The following MYO1A variants were observed in gnomAD, a reference collection of about 807,000 sequenced individuals.
The protein encoded by MYO1A is unconventional myosin-Ia.
Under a neutral mutation model 138.5 loss-of-function variants are expected in MYO1A, and 127 were observed. The observed-to-expected ratio is 0.92, with a 90% CI of 0.79 to 1.06. MYO1A has a LOEUF of 1.06. MYO1A is among the 50% of genes least tolerant of loss of function. The probability of loss-of-function intolerance (pLI) is 0.00; values close to 1 mark genes in which losing one functional copy is unlikely to be tolerated. For synonymous variants in MYO1A, 477 were observed against 497.5 expected (o/e 0.96, Z 0.55); for missense variants, 1,211 against 1,288.8 (o/e 0.94, Z 0.92).
rs761354367 is a variant in MYO1A at position 57,029,812 on chromosome 12, C to T, written c.2652G>A (p.Lys884=). The change falls in exon 25 of 28, where the codon AAG becomes AAA. Residue 884 remains lysine, a synonymous_variant. Transcript: ENST00000300119. ...IGLQGNPKLQ[K]LKGGEEGPVL... is the part of the protein sequence containing the mutation. ...CAGGCCCCTCCTCCCCGCCTTTCAG[C>T]TTCTGCAGCTTGGGGTTCCCTTGCA... The T allele has an allele frequency of 1.9e-6, 3 of 1,614,126 alleles. No individual in the cohort carries two copies. The highest frequency in any genetic ancestry group is 2.5e-6 in the Non-Finnish European group (3 of 1,180,056).
Position 57,030,174 on chromosome 12 carries a change from A to G in MYO1A, c.2591+36T>C, listed in dbSNP as rs560172866. On this transcript the variant is annotated intron_variant, in intron 24 of 27. Transcript: ENST00000300119. The stretch of plus-strand genomic sequence containing the variant: ...GCTCAAGTTTGAGAACTGCTGCGTG[A>G]TGGAACTGGCTGTGCAGGGTCTGGG... The G allele has an allele frequency of 1.2e-5, 18 of 1,557,648 alleles. No individual in the cohort carries two copies. The African/African-American group carries it at 2.3e-4, about 20-fold the overall frequency.
At position 57,031,120 on chromosome 12, in the gene MYO1A, C is replaced by CT; in HGVS notation, c.2403dup (p.Asp802ArgfsTer51). On this transcript the variant is annotated frameshift_variant, in exon 23 of 28. Coordinates refer to ENST00000300119, the MANE Select transcript of MYO1A (RefSeq NM_005379.4). LOFTEE classifies it high-confidence loss of function. ...TAGGGGGCGGCTGGCCATGTCTTGT[C>CT]TAAGACGTTTGTGGATGGCAAATTG... 1 of 1,614,130 alleles carries CT rather than the reference C, an allele frequency of 6.2e-7. No individual in the cohort carries two copies. Among genetic ancestry groups the CT allele is most frequent in the Non-Finnish European group, 8.5e-7 (1 of 1,180,022 alleles).
Position 57,048,266 on chromosome 12 carries a change from C to A in MYO1A, c.58G>T (p.Val20Leu). The stretch of plus-strand genomic sequence containing the variant: ...AGATTCTTGAGCAGTGACTCCTCCA[C>A]CAAGGGTTCCAGGAGGACAAGATCC... ...VEDLVLLEPLVEESLLKNLQL... is the reference protein window; with the variant it reads ...VEDLVLLEPLLEESLLKNLQL... The change falls in exon 2 of 28, where the codon GTG becomes TTG. Residue 20 changes from valine to leucine, a missense_variant. By Grantham distance (32) the Val-to-Leu change is conservative. Coordinates refer to ENST00000300119, the MANE Select transcript of MYO1A (RefSeq NM_005379.4). The A allele has an allele frequency of 6.2e-7, 1 of 1,614,220 alleles. No homozygotes were observed. The highest frequency in any genetic ancestry group is 8.5e-7 in the Non-Finnish European group (1 of 1,180,042).
intron 14 of MYO1A, among the ~76,000 whole-genome samples, chr12:57,040,035 T>C (rs1315184411): frequency 6.6e-6 from 1 of 152,246 alleles, no homozygotes; most frequent in Non-Finnish European, 1.5e-5. Context: ...ACAGACAGGA[T>C]AGCTCCTGAT....
At position 57,047,338 on chromosome 12, in the gene MYO1A, T is replaced by G. The variant is rs1160478728; in HGVS notation, c.395A>C (p.Lys132Thr). ...CGKGEQVNSVKEQLLQSNPVL... is the reference protein window; with the variant it reads ...CGKGEQVNSVTEQLLQSNPVL... ...TGGGTTAGACTGTAGCAGCTGCTCC[T>G]TCACAGAGTTCACCTGCTCTCCTTT... Residue 132 changes from lysine to threonine, a missense_variant, in exon 5 of 28, where the codon AAG becomes ACG. Lys to Thr is a moderately conservative substitution (Grantham distance 78). Coordinates refer to ENST00000300119, the MANE Select transcript of MYO1A (RefSeq NM_005379.4). The G allele has an allele frequency of 2.3e-5, 37 of 1,614,050 alleles. No homozygotes were observed. The highest frequency in any genetic ancestry group is 2.9e-5 in the Non-Finnish European group (34 of 1,180,018).
chr12:57,050,772 C>T (rs182948545), upstream of MYO1A: 1 of 152,244 alleles, frequency 6.6e-6, no homozygotes, highest in East Asian at 1.9e-4. Context: ...CATTGCCTCA[C>T]TGAATAGCAC....
At chr12:57,033,078 T>C (rs1179015694) in intron 22 of MYO1A, among the ~76,000 whole-genome samples, 1 of 152,160 alleles carries the variant, frequency 6.6e-6, no homozygotes, top group Non-Finnish European at 1.5e-5. Flanking sequence ...AAGTAGGTTA[T>C]AGATATCATG....
At chr12:57,043,793 G>A (rs1449640888) in intron 10 of MYO1A, 63 bp downstream of exon 10, 1 of 1,608,104 alleles carries the variant, frequency 6.2e-7, no homozygotes, top group Non-Finnish European at 8.5e-7. Flanking sequence ...ATGGTAGAAG[G>A]ACACGACTTG....
In MYO1A at chr12:57,030,319, G is replaced by A. The variant is rs2030216224; in HGVS notation, c.2485-3C>T. The stretch of plus-strand genomic sequence containing the variant: ...AGCTGATCCCGGAACCTCTTGCACT[G>A]TGAGGAAGGAGGGACAGGAGCTAAA... On this transcript the variant is annotated splice_region_variant and splice_polypyrimidine_tract_variant and intron_variant, in intron 23 of 27. Transcript: ENST00000300119. The A allele has an allele frequency of 6.2e-7, 1 of 1,611,508 alleles. No individual in the cohort carries two copies. The highest frequency in any genetic ancestry group is 1.7e-5 in the Admixed American group (1 of 59,948).
intron 8 of MYO1A, among the ~76,000 whole-genome samples, chr12:57,045,299 A>G (rs2031047009): frequency 6.6e-6 from 1 of 152,066 alleles, no homozygotes; most frequent in African/African-American, 2.4e-5. Flanking sequence ...AGGGATGTCA[A>G]TTATCTGGTA....
At chr12:57,034,540 G>A (rs1487775388) in intron 22 of MYO1A, among the ~76,000 whole-genome samples, 9 of 152,106 alleles carry the variant, frequency 5.9e-5, no homozygotes, top group African/African-American at 1.9e-4. Context: ...CAGGCGTGGT[G>A]GCATGTGCCT....
intron 14 of MYO1A, among the ~76,000 whole-genome samples, chr12:57,040,296 G>A (rs1019520208): frequency 3.3e-5 from 5 of 152,150 alleles, no homozygotes; most frequent in African/African-American, 1.2e-4. Flanking sequence ...ATGACAATAA[G>A]GTACAGAACA....
chr12:57,041,178 G>A lies in MYO1A; in HGVS notation c.1269+6C>T. On this transcript the variant is annotated splice_donor_region_variant and intron_variant, in intron 14 of 27. Coordinates refer to ENST00000300119, the MANE Select transcript of MYO1A (RefSeq NM_005379.4). ...AAGAGGGGGAAGTAGAAAAGACTTG[G>A]TTTACTTCTCTCTTATATTCCTCTT... The A allele has an allele frequency of 6.2e-7, 1 of 1,606,112 alleles. No homozygotes were observed. Among genetic ancestry groups the A allele is most frequent in the South Asian group, 1.1e-5 (1 of 90,896 alleles).
At chr12:57,029,044 C>A in intron 27 of MYO1A, 88 bp downstream of exon 27, 1 of 1,612,162 alleles carries the variant, frequency 6.2e-7, no homozygotes, top group Middle Eastern at 1.7e-4. Flanking sequence ...CACTGCCCTA[C>A]ATGCTTCGCT....
chr12:57,043,200 A>C (rs376647318), intron 11 of MYO1A, 40 bp downstream of exon 11: 3 of 1,613,996 alleles, frequency 1.9e-6, no homozygotes, highest in Non-Finnish European at 2.5e-6. Flanking sequence ...ATCACAGAAC[A>C]GGGTCGAAAC....
At position 57,038,081 on chromosome 12, in the gene MYO1A, T is replaced by G. The variant is rs1565643738; in HGVS notation, c.1761-12A>C. ...TGGGCTTTATGCACCTGGTGGGAGGTGGGGTAAGGCACAGCCTTCAGGAGC... is the reference window on the plus strand; with the variant it reads ...TGGGCTTTATGCACCTGGTGGGAGGGGGGGTAAGGCACAGCCTTCAGGAGC... On this transcript the variant is annotated splice_polypyrimidine_tract_variant and intron_variant, in intron 17 of 27. Coordinates refer to ENST00000300119, the MANE Select transcript of MYO1A (RefSeq NM_005379.4). The G allele has an allele frequency of 6.2e-7, 1 of 1,613,352 alleles. No homozygotes were observed. Among genetic ancestry groups the G allele is most frequent in the East Asian group, 2.2e-5 (1 of 44,884 alleles).
chr12:57,046,974 C>T (rs191485791), intron 6 of MYO1A, 48 bp from the exon 7 acceptor site: 1 of 1,611,314 alleles, frequency 6.2e-7, no homozygotes, highest in East Asian at 2.2e-5. Flanking sequence ...CCTCTTCTCA[C>T]CACCCTGCCT....
At chr12:57,050,419 C>T (rs898522804), upstream of MYO1A, among the ~76,000 whole-genome samples, 1 of 152,194 alleles carries the variant, frequency 6.6e-6, no homozygotes, top group African/African-American at 2.4e-5. Context: ...AGTGCGGTTG[C>T]TCATGCCTAT....
intron 25 of MYO1A, 51 bp from the exon 26 acceptor site, chr12:57,029,638 C>A: frequency 6.2e-7 from 1 of 1,614,094 alleles, no homozygotes; most frequent in Non-Finnish European, 8.5e-7. Flanking sequence ...ATTGCCCCCA[C>A]TCCACCTGGC....
Sources: gnomAD v4.1 joint callset for allele counts (sites outside exome capture counted in the v4.1 genomes callset) on GRCh38, gnomAD v4.1.1 for gene constraint, MANE v1.5 for transcripts, NCBI Gene and HGNC (gene_info 2026-07-23, HGNC 2026-07-21) for gene names.